GJB7: variants seen among roughly 807,000 people sequenced by gnomAD.
The protein encoded by GJB7 is gap junction beta-7 protein.
For synonymous variants in GJB7, 87 were observed against 95.2 expected (o/e 0.91, Z 0.50); for missense variants, 253 against 256.8 (o/e 0.99, Z 0.10).
At chr6:87,322,755 G>C (rs1487652972) in intron 2 of GJB7, 111 bp downstream of exon 2, 1 of 152,240 alleles carries the variant, frequency 6.6e-6, no homozygotes, top group Non-Finnish European at 1.5e-5. Context: ...CTCCCAGGGA[G>C]GGAGCGTCCT....
At position 87,284,933 on chromosome 6, in the gene GJB7, C is replaced by G; in HGVS notation, c.-21G>C. On this transcript the variant is annotated 5_prime_UTR_variant, in exon 3 of 3. Transcript: ENST00000525899. ...CTCATGACTTAGGCTCAAAAGAAGG[C>G]AAGACTCTGCAAAATAAGACAATTT... The G allele has an allele frequency of 1.3e-6, 2 of 1,570,332 alleles. No individual in the cohort carries two copies. Among genetic ancestry groups the G allele is most frequent in the Non-Finnish European group, 8.7e-7 (1 of 1,150,316 alleles).
chr6:87,289,557 T>A (rs1388550830), intron 2 of GJB7, among the ~76,000 whole-genome samples: 42 of 152,214 alleles, frequency 2.8e-4, no homozygotes, highest in Admixed American at 2.7e-3. Context: ...GAGTTCCAGT[T>A]CCTGGAGATG....
chr6:87,327,095 C>CT (rs909500291), intron 1 of GJB7, among the ~76,000 whole-genome samples: 3 of 151,100 alleles, frequency 2.0e-5, no homozygotes, highest in Non-Finnish European at 2.9e-5. Flanking sequence ...GCAACCCCTG[C>CT]TTTTTTTTGT....
intron 2 of GJB7, among the ~76,000 whole-genome samples, chr6:87,301,540 T>C (rs1185252668): frequency 2.0e-5 from 3 of 152,134 alleles, no homozygotes; most frequent in Admixed American, 1.3e-4. Flanking sequence ...GGAAGCTCTA[T>C]CTGGGTGGAG....
chr6:87,325,273 A>G (rs1380845178), intron 1 of GJB7, among the ~76,000 whole-genome samples: 1 of 147,982 alleles, frequency 6.8e-6, no homozygotes, highest in African/African-American at 2.6e-5. Context: ...TCTCCTGCCT[A>G]ATTGCCCTGG....
At chr6:87,311,213 A>G (rs1776509540) in intron 2 of GJB7, among the ~76,000 whole-genome samples, 2 of 152,214 alleles carry the variant, frequency 1.3e-5, no homozygotes, top group Non-Finnish European at 2.9e-5. Context: ...GGGAGTATAA[A>G]TTGGTGCAAT....
rs541991003 is a variant in GJB7, at chr6:87,305,903, T to C, written c.-28+16963A>G. ...CTACAACCATCTGATCTTTGACAAA[T>C]CTGAGAAAAACAAGCAATGGGGAAA... On this transcript the variant is annotated intron_variant, in intron 2 of 2. Transcript: ENST00000525899. Among the ~76,000 whole-genome samples, 12 of 152,112 alleles carry C rather than the reference T, an allele frequency of 7.9e-5. No homozygotes were observed. The East Asian group carries it at 1.5e-3, about 20-fold the overall frequency.
chr6:87,300,821 T>C (rs1776310074), intron 2 of GJB7, among the ~76,000 whole-genome samples: 1 of 152,152 alleles, frequency 6.6e-6, no homozygotes. Flanking sequence ...AGCCTTTCTG[T>C]AGAGAATAAG....
At chr6:87,322,514 C>G (rs1402606379) in intron 2 of GJB7, 1 of 152,366 alleles carries the variant, frequency 6.6e-6, no homozygotes, top group Admixed American at 6.5e-5. Context: ...CCGCAGCCTC[C>G]GGAAGACAGG....
intron 2 of GJB7, among the ~76,000 whole-genome samples, chr6:87,306,415 C>A (rs1776428425): frequency 6.6e-6 from 1 of 152,180 alleles, no homozygotes; most frequent in Non-Finnish European, 1.5e-5. Context: ...CCAAAAAACA[C>A]ATGAAAAAAT....
chr6:87,293,681 G>A lies in GJB7; in HGVS notation c.-27-8742C>T, dbSNP rs184725415. Among the ~76,000 whole-genome samples the A allele has an allele frequency of 8.5e-5, 13 of 152,334 alleles. No homozygotes were observed. In the South Asian group the frequency reaches 1.7e-3, roughly 19 times the overall value. ...GACACCTTCTGCTAGCAGCAGCGGG[G>A]CTGAGGACGTTTGTTGTTGCCACAA... On this transcript the variant is annotated intron_variant, in intron 2 of 2. Transcript: ENST00000525899.
chr6:87,327,072 AGAGACTAG>A (rs1211146779), intron 1 of GJB7, among the ~76,000 whole-genome samples: 1 of 150,922 alleles, frequency 6.6e-6, no homozygotes, highest in Admixed American at 6.6e-5. Context: ...CTGTTTTATC[AGAGACTAG>A]GATTGCAACC....
At chr6:87,298,038 G>A (rs2127901525) in intron 2 of GJB7, among the ~76,000 whole-genome samples, 1 of 152,300 alleles carries the variant, frequency 6.6e-6, no homozygotes, top group South Asian at 2.1e-4. Context: ...AAGTGTTCTG[G>A]TCCTTGAAAG....
chr6:87,306,557 A>G (rs558847062), intron 2 of GJB7, among the ~76,000 whole-genome samples: 4 of 152,182 alleles, frequency 2.6e-5, no homozygotes, highest in African/African-American at 9.6e-5. Flanking sequence ...AGAAATAGGA[A>G]CACTTTTACA....
At chr6:87,294,867 G>T (rs6454600) in intron 2 of GJB7, among the ~76,000 whole-genome samples, 96,384 of 152,044 alleles carry the variant, frequency 0.63, 32,217 homozygotes, top group African/African-American at 0.86. Context: ...TACATATCCA[G>T]CCCATAGACT....
intron 1 of GJB7, among the ~76,000 whole-genome samples, chr6:87,328,193 G>T (rs1435516811): frequency 1.3e-5 from 2 of 152,098 alleles, no homozygotes; most frequent in African/African-American, 4.8e-5. Context: ...CTTTGCCTTT[G>T]GTTTGAATTT....
chr6:87,311,165 T>G (rs1411574097), intron 2 of GJB7, among the ~76,000 whole-genome samples: 2 of 152,236 alleles, frequency 1.3e-5, no homozygotes, highest in Non-Finnish European at 2.9e-5. Flanking sequence ...TAAGTATTGC[T>G]GAGAAGATAT....
At chr6:87,328,321 AG>A (rs1776887835) in intron 1 of GJB7, among the ~76,000 whole-genome samples, 1 of 152,126 alleles carries the variant, frequency 6.6e-6, no homozygotes, top group South Asian at 2.1e-4. Flanking sequence ...GGAGGAGGAG[AG>A]GCACTCTGCT....
Position 87,284,070 on chromosome 6 carries a change from G to T in GJB7, c.*171C>A. The T allele has an allele frequency of 1.7e-6, 1 of 604,192 alleles. No individual in the cohort carries two copies. 37.4% of individuals were successfully genotyped at this position (604,192 alleles called of 1,614,324 possible). A position where few individuals can be genotyped will look rare whatever the true frequency, so the allele number is the denominator to read the frequency against. On this transcript the variant is annotated 3_prime_UTR_variant, in exon 3 of 3. Transcript: ENST00000525899. ...CTGATGTGCTTTGTCTTCCAACTCA[G>T]CTTAGGCCTTGCTGAGGAGGGATGC...
Sources: gnomAD v4.1 joint callset for allele counts (sites outside exome capture counted in the v4.1 genomes callset) on GRCh38, gnomAD v4.1.1 for gene constraint, MANE v1.5 for transcripts, NCBI Gene and HGNC (gene_info 2026-07-23, HGNC 2026-07-21) for gene names.